The following LARS2 variants were observed in gnomAD, a reference collection of about 807,000 sequenced individuals.
LARS2 encodes the protein leucine--tRNA ligase, mitochondrial.
LARS2 carries 81 observed loss-of-function variants against 116.6 expected under a neutral mutation model. The observed-to-expected ratio is 0.69, with a 90% confidence interval of 0.58 to 0.84. LARS2 has a LOEUF of 0.84. Ranked by LOEUF, LARS2 falls within the 40% of genes least tolerant of loss-of-function variation. The probability of loss-of-function intolerance (pLI) is 0.00; values close to 1 mark genes in which losing one functional copy is unlikely to be tolerated. For synonymous variants in LARS2, 396 were observed against 407.2 expected, an observed-to-expected ratio of 0.97 and a Z score of 0.33; for missense variants, 968 against 1,114.5, an observed-to-expected ratio of 0.87 and a Z score of 1.87.
chr3:45,451,004 A>G (rs374639892), intron 7 of LARS2, among the ~76,000 whole-genome samples: 4 of 152,056 alleles, frequency 2.6e-5, no homozygotes, highest in African/African-American at 9.6e-5. Flanking sequence ...AGAAATGTCT[A>G]TATAGGTGTT....
At chr3:45,419,811 T>A in intron 6 of LARS2, 82 bp downstream of exon 6, 1 of 1,134,510 alleles carries the variant, frequency 8.8e-7, no homozygotes, top group Non-Finnish European at 1.3e-6. Flanking sequence ...CTCTTTGAGT[T>A]GGGAGAAGGC....
At chr3:45,438,430 A>G (rs1263028751) in intron 6 of LARS2, among the ~76,000 whole-genome samples, 1 of 151,984 alleles carries the variant, frequency 6.6e-6, no homozygotes, top group South Asian at 2.1e-4. Context: ...TCATGTATAA[A>G]GCAGTGCTCA....
chr3:45,504,734 T>A (rs1462044484), intron 15 of LARS2, among the ~76,000 whole-genome samples: 2 of 152,094 alleles, frequency 1.3e-5, no homozygotes, highest in South Asian at 4.1e-4. Flanking sequence ...TCACAGATAC[T>A]ACACATTTTT....
In LARS2 at chr3:45,485,752, T is replaced by C; in HGVS notation, c.1079T>C (p.Ile360Thr). The change falls in exon 11 of 22, where the codon ATT (isoleucine) becomes ACT (threonine). Residue 360 changes from isoleucine to threonine, a missense_variant. Coordinates refer to ENST00000645846, the MANE Select transcript of LARS2 (RefSeq NM_015340.4). ...MLTQQEVPVV[I>T]LAKADLEGSL... The stretch of plus-strand genomic sequence containing the variant: ...ACCCAGCAGGAGGTCCCTGTCGTTA[T>C]TTTGGCCAAAGCTGACTTGGAAGGC... 6.2e-7 allele frequency: 1 copy of C among 1,611,688 alleles called. No individual in the cohort carries two copies. The highest frequency in any genetic ancestry group is 1.7e-5 in the Admixed American group (1 of 59,564).
intron 6 of LARS2, among the ~76,000 whole-genome samples, chr3:45,444,499 C>A (rs1698982299): frequency 7.0e-6 from 1 of 143,110 alleles, no homozygotes; most frequent in African/African-American, 2.5e-5. Context: ...CCCATCTCTA[C>A]TAAAAATACA....
intron 12 of LARS2, among the ~76,000 whole-genome samples, chr3:45,489,024 G>A (rs762319006): frequency 1.3e-5 from 2 of 152,176 alleles, no homozygotes; most frequent in Admixed American, 6.5e-5. Flanking sequence ...GAATGGTATC[G>A]AAGTAACTAA....
intron 6 of LARS2, among the ~76,000 whole-genome samples, chr3:45,430,267 C>G (rs1170437610): frequency 7.2e-6 from 1 of 139,490 alleles, no homozygotes; most frequent in Non-Finnish European, 1.5e-5. Context: ...CCACCGCACC[C>G]GGCCATTTTT....
chr3:45,526,721 C>T (rs1700536612), intron 20 of LARS2, among the ~76,000 whole-genome samples: 1 of 151,986 alleles, frequency 6.6e-6, no homozygotes, highest in South Asian at 2.1e-4. Context: ...AGCTCAAGGA[C>T]AAATTTATGG....
chr3:45,491,591 C>T lies in LARS2; in HGVS notation c.1314C>T (p.Asp438=), dbSNP rs200872680. 130 of 1,614,140 alleles carry T rather than the reference C, an allele frequency of 8.1e-5. 1 individual carries two copies. Among genetic ancestry groups the T allele is most frequent in the Non-Finnish European group, 1.0e-4 (120 of 1,180,026 alleles). ...QKARGKRVGG[D]VTSDKLKDWL... ...CCCGGGGGAAGAGAGTGGGTGGAGA[C>T]GTGACAAGTGATAAACTGAAAGACT... Residue 438 remains aspartate (D), a synonymous_variant, in exon 13 of 22, where the codon GAC becomes GAT. Transcript: ENST00000645846.
chr3:45,518,083 C>T lies in LARS2; in HGVS notation c.2214+11C>T. The T allele has an allele frequency of 6.2e-7, 1 of 1,605,482 alleles. No homozygotes were observed. The highest frequency in any genetic ancestry group is 2.2e-5 in the East Asian group (1 of 44,774). ...TCCGTCATCTCTCAGGTCAGAAACT[C>T]TCCAATTCCAGGGGTTAACTCTGTA... On this transcript the variant is annotated intron_variant, in intron 18 of 21. Transcript: ENST00000645846.
At chr3:45,494,415 A>G (rs753954831) in intron 13 of LARS2, among the ~76,000 whole-genome samples, 6 of 152,236 alleles carry the variant, frequency 3.9e-5, no homozygotes, top group Non-Finnish European at 7.3e-5. Flanking sequence ...AAGATTTATC[A>G]GTTCCTCTTG....
intron 18 of LARS2, among the ~76,000 whole-genome samples, chr3:45,519,285 A>T (rs1335289614): frequency 6.6e-6 from 1 of 151,878 alleles, no homozygotes; most frequent in Non-Finnish European, 1.5e-5. Flanking sequence ...AGATCAAGAG[A>T]TTGAGACCAT....
intron 4 of LARS2, among the ~76,000 whole-genome samples, chr3:45,409,206 A>ATT (rs3836520): frequency 6.6e-5 from 10 of 151,020 alleles, no homozygotes; most frequent in African/African-American, 7.3e-5. Context: ...TTTTATTTTT[A>ATT]TTTTTTTTTA....
At chr3:45,401,757 G>T (rs1698156873) in intron 4 of LARS2, among the ~76,000 whole-genome samples, 1 of 152,106 alleles carries the variant, frequency 6.6e-6, no homozygotes, top group African/African-American at 2.4e-5. Context: ...TGGGACTATA[G>T]GTGTGTGCCA....
At position 45,501,147 on chromosome 3, in the gene LARS2, C is replaced by G. The variant is rs563350664; in HGVS notation, c.1760+568C>G. ...TATTTAATGTATTTAAAGAATGGTA[C>G]AACACATTAAATATGGAATTTTTAT... On this transcript the variant is annotated intron_variant, in intron 15 of 21. Coordinates refer to ENST00000645846, the MANE Select transcript of LARS2 (RefSeq NM_015340.4). 1.4e-3 allele frequency among the ~76,000 whole-genome samples: 210 copies of G among 148,312 alleles called. 1 individual carries two copies. The highest frequency in any genetic ancestry group is 4.9e-3 in the African/African-American group (203 of 41,230).
chr3:45,446,887 G>A lies in LARS2; in HGVS notation c.517-4G>A, dbSNP rs756497084. 11 of 1,585,304 alleles carry A rather than the reference G, an allele frequency of 6.9e-6. No individual in the cohort carries two copies. The East Asian group carries it at 2.5e-4, about 36-fold the overall frequency. ...TGTACATTATTTTTCTTCTTTGTTGGCAGGAAATAACTACGTGTTTGCCAG... is the reference window on the plus strand; with the variant it reads ...TGTACATTATTTTTCTTCTTTGTTGACAGGAAATAACTACGTGTTTGCCAG... On this transcript the variant is annotated splice_region_variant and splice_polypyrimidine_tract_variant and intron_variant, in intron 6 of 21. Transcript: ENST00000645846.
At chr3:45,401,839 C>T (rs1698159806) in intron 4 of LARS2, among the ~76,000 whole-genome samples, 1 of 152,076 alleles carries the variant, frequency 6.6e-6, no homozygotes, top group Non-Finnish European at 1.5e-5. Context: ...ATGTCTTGAA[C>T]CCCTGGGCTC....
chr3:45,537,350 G>T (rs1262322522), intron 20 of LARS2, among the ~76,000 whole-genome samples: 1 of 152,138 alleles, frequency 6.6e-6, no homozygotes, highest in East Asian at 1.9e-4. Context: ...AATTTGGGAT[G>T]ACTTTCTTTG....
chr3:45,395,600 C>G (rs1698030472), intron 3 of LARS2, among the ~76,000 whole-genome samples: 1 of 152,218 alleles, frequency 6.6e-6, no homozygotes, highest in South Asian at 2.1e-4. Context: ...TACAAACCCT[C>G]TATGTTTAAT....
Sources: gnomAD v4.1 joint callset for allele counts (sites outside exome capture counted in the v4.1 genomes callset) on GRCh38, gnomAD v4.1.1 for gene constraint, MANE v1.5 for transcripts, NCBI Gene and HGNC (gene_info 2026-07-23, HGNC 2026-07-21) for gene names.